KICS2: variants seen among roughly 807,000 people sequenced by gnomAD.
The protein encoded by KICS2 is KICSTOR subunit 2.
Under a neutral mutation model 31.4 loss-of-function variants are expected in KICS2, and 13 were observed. The observed-to-expected ratio is 0.41, with a 90% CI of 0.27 to 0.66. The LOEUF (loss-of-function observed/expected upper bound fraction) is 0.66, where lower values mean the gene tolerates loss of function less well. Among genes scored for constraint, KICS2 ranks in the 30% least tolerant of loss-of-function variants. The pLI is 0.28. For synonymous variants in KICS2, 209 were observed against 214.8 expected (o/e 0.97, Z 0.24); for missense variants, 455 against 545.4 (o/e 0.83, Z 1.65).
chr12:64,221,955 C>A, intron 1 of KICS2, 48 bp downstream of exon 1: 1 of 1,566,468 alleles, frequency 6.4e-7, no homozygotes, highest in East Asian at 2.3e-5. Flanking sequence ...GGGGAATATA[C>A]CCCCTTTACT....
intron 2 of KICS2, among the ~76,000 whole-genome samples, chr12:64,205,467 A>G (rs1592384284): frequency 6.6e-6 from 1 of 152,210 alleles, no homozygotes; most frequent in East Asian, 1.9e-4. Context: ...AACTCGTATC[A>G]TAGGAGGCTC....
At chr12:64,221,834 C>T in intron 1 of KICS2, 169 bp downstream of exon 1, 1 of 768,324 alleles carries the variant, frequency 1.3e-6, no homozygotes, top group South Asian at 1.9e-5. Flanking sequence ...GTGGGCGGGG[C>T]TTGTGGAAGC....
At chr12:64,217,736 G>A (rs781435208) in intron 1 of KICS2, among the ~76,000 whole-genome samples, 3 of 152,144 alleles carry the variant, frequency 2.0e-5, no homozygotes, top group Middle Eastern at 3.4e-3. Context: ...GGGAGGCAGA[G>A]GCTGCAGCGA....
rs147741541 is a variant in KICS2 at position 64,207,737 on chromosome 12, C to T, written c.521+7941G>A. 1.2e-4 allele frequency among the ~76,000 whole-genome samples: 18 copies of T among 152,262 alleles called. No homozygotes were observed. The East Asian group carries it at 2.1e-3, about 18-fold the overall frequency. ...TGAGACAGTGTTAAGCAGAGCTACC[C>T]GCCTGAACCCTGCTCAGGTCAGCCA... is the stretch of plus-strand genomic sequence containing the variant. On this transcript the variant is annotated intron_variant, in intron 2 of 2. Coordinates refer to ENST00000398055, the MANE Select transcript of KICS2 (RefSeq NM_152440.5).
At chr12:64,208,996 C>T (rs2037562494) in intron 2 of KICS2, among the ~76,000 whole-genome samples, 1 of 151,924 alleles carries the variant, frequency 6.6e-6, no homozygotes, top group African/African-American at 2.4e-5. Context: ...TTTATACCCA[C>T]AAACAATAAA....
chr12:64,189,831 A>G (rs1428803211), downstream of KICS2, among the ~76,000 whole-genome samples: 1 of 152,198 alleles, frequency 6.6e-6, no homozygotes, highest in Non-Finnish European at 1.5e-5. Flanking sequence ...AAAACTATAA[A>G]TGTATATGGG....
In KICS2 at chr12:64,193,763, C is replaced by G; in HGVS notation, c.*79G>C. Reference sequence around the variant, plus strand: ...AAAGAGGCATGAATGGATGTAAACTCTATTCACAGACCACCGTAGATCATT... The same window carrying G: ...AAAGAGGCATGAATGGATGTAAACTGTATTCACAGACCACCGTAGATCATT... On this transcript the variant is annotated 3_prime_UTR_variant, in exon 3 of 3. Coordinates refer to ENST00000398055, the MANE Select transcript of KICS2 (RefSeq NM_152440.5). The G allele has an allele frequency of 2.0e-6, 3 of 1,488,276 alleles. No homozygotes were observed. Among genetic ancestry groups the G allele is most frequent in the Non-Finnish European group, 2.7e-6 (3 of 1,120,800 alleles). 92.2% of individuals were successfully genotyped at this position (1,488,276 alleles called of 1,614,324 possible). A position where few individuals can be genotyped will look rare whatever the true frequency, so the allele number is the denominator to read the frequency against.
At chr12:64,217,859 A>C (rs998734228) in intron 1 of KICS2, among the ~76,000 whole-genome samples, 8 of 150,692 alleles carry the variant, frequency 5.3e-5, no homozygotes, top group African/African-American at 2.0e-4. Context: ...AGAAAAGGAA[A>C]GGAAAGAAAA....
At chr12:64,211,459 T>C (rs1315059384) in intron 2 of KICS2, among the ~76,000 whole-genome samples, 2 of 151,792 alleles carry the variant, frequency 1.3e-5, no homozygotes, top group South Asian at 2.1e-4. Flanking sequence ...CTACTAAAGA[T>C]ACAAAAAAAA....
At chr12:64,217,273 G>A (rs11175284) in intron 1 of KICS2, among the ~76,000 whole-genome samples, 25,616 of 152,018 alleles carry the variant, frequency 0.17, 2,365 homozygotes, top group Admixed American at 0.21. Context: ...TCAGGCCTGG[G>A]AAAATTTTGA....
rs749066776 is a variant in KICS2, at chr12:64,194,342, G to C, written c.838C>G (p.Gln280Glu). 3 of 1,614,198 alleles carry C rather than the reference G, an allele frequency of 1.9e-6. No individual in the cohort carries two copies. The highest frequency in any genetic ancestry group is 2.5e-6 in the Non-Finnish European group (3 of 1,180,046). Reference protein sequence around the residue: ...SFYFHEALSRQTTASEMKTLT... With the variant: ...SFYFHEALSRETTASEMKTLT... ...GTTTTCATTTCTGAAGCAGTCGTTT[G>C]TCGGCTCAGAGCCTCATGAAAGTAA... The change falls in exon 3 of 3, where the codon CAA (glutamine) becomes GAA (glutamate). Residue 280 changes from glutamine to glutamate, a missense_variant. Gln to Glu is a conservative substitution (Grantham distance 29, BLOSUM62 2). Transcript: ENST00000398055.
At chr12:64,186,840 T>C (rs1027882589), downstream of KICS2, 4 of 152,182 alleles carry the variant, frequency 2.6e-5, no homozygotes, top group Non-Finnish European at 4.4e-5. Flanking sequence ...ACCCTTAACA[T>C]AGTTGATGTT....
chr12:64,189,619 C>A (rs1006062224), downstream of KICS2, among the ~76,000 whole-genome samples: 1 of 152,016 alleles, frequency 6.6e-6, no homozygotes, highest in Non-Finnish European at 1.5e-5. Context: ...TGTCTATAGA[C>A]ACTTCAAATA....
At chr12:64,190,118 C>A (rs1056370896), downstream of KICS2, among the ~76,000 whole-genome samples, 4 of 152,160 alleles carry the variant, frequency 2.6e-5, no homozygotes, top group Non-Finnish European at 5.9e-5. Flanking sequence ...TAAACCAGTT[C>A]TCTTTCAAAC....
At chr12:64,205,096 T>C (rs1006557535) in intron 2 of KICS2, among the ~76,000 whole-genome samples, 2 of 152,192 alleles carry the variant, frequency 1.3e-5, no homozygotes, top group Non-Finnish European at 2.9e-5. Context: ...ATAGTAAGAC[T>C]GTTAATCACA....
At chr12:64,211,622 GA>G (rs914587517) in intron 2 of KICS2, among the ~76,000 whole-genome samples, 2 of 148,088 alleles carry the variant, frequency 1.4e-5, no homozygotes, top group African/African-American at 2.5e-5. Context: ...CCGTCTTAAA[GA>G]AAAAAAAAAC....
chr12:64,219,681 T>C (rs2037661492), intron 1 of KICS2, among the ~76,000 whole-genome samples: 1 of 152,234 alleles, frequency 6.6e-6, no homozygotes, highest in Non-Finnish European at 1.5e-5. Context: ...GTGATGGATA[T>C]ACTAAGTAGC....
At position 64,191,106 on chromosome 12, in the gene KICS2, A is replaced by T. The variant is rs1271295991; in HGVS notation, c.*2736T>A. The T allele has an allele frequency of 1.3e-5, 2 of 152,236 alleles. No individual in the cohort carries two copies. Among genetic ancestry groups the T allele is most frequent in the Non-Finnish European group, 2.9e-5 (2 of 68,044 alleles). 9.4% of individuals were successfully genotyped at this position (152,236 alleles called of 1,614,324 possible). A position where few individuals can be genotyped will look rare whatever the true frequency, so the allele number is the denominator to read the frequency against. On this transcript the variant is annotated 3_prime_UTR_variant, in exon 3 of 3. Transcript: ENST00000398055. ...ACGCAGATTTACTCTTTTAATTAGC[A>T]AAACACAGACTTTACAGATCTCATT...
downstream of KICS2, among the ~76,000 whole-genome samples, chr12:64,190,582 T>C (rs890351911): frequency 2.0e-5 from 3 of 152,006 alleles, no homozygotes; most frequent in Non-Finnish European, 4.4e-5. Context: ...CTGAGCAACA[T>C]AGTGCGACCC....
Sources: allele counts gnomAD v4.1 joint callset (sites outside exome capture counted in the v4.1 genomes callset), GRCh38; gene constraint gnomAD v4.1.1; transcripts MANE v1.5; gene names NCBI Gene and HGNC (gene_info 2026-07-23, HGNC 2026-07-21).